EDC3: variants seen among roughly 807,000 people sequenced by gnomAD.
EDC3 encodes enhancer of mRNA decapping 3.
In EDC3, 20 loss-of-function variants were observed where a neutral mutation model predicts 41.8. The ratio of observed to expected loss-of-function variants is 0.48; its 90% CI spans 0.34 to 0.70. The LOEUF is 0.70. Ranked by LOEUF, EDC3 falls within the 30% of genes least tolerant of loss-of-function variation. The pLI, the probability that EDC3 is intolerant of heterozygous loss-of-function variation, is 0.01. For missense variants in EDC3, 444 were observed against 636.8 expected, an observed-to-expected ratio of 0.70 and a Z score of 3.26; for synonymous variants, 206 against 243.2, an observed-to-expected ratio of 0.85 and a Z score of 1.42.
intron 4 of EDC3, among the ~76,000 whole-genome samples, chr15:74,651,118 C>T (rs1056117683): frequency 1.3e-5 from 2 of 152,234 alleles, no homozygotes; most frequent in African/African-American, 4.8e-5. Context: ...GTTCTCACCA[C>T]TGAACACAGA....
At position 74,671,737 on chromosome 15, in the gene EDC3, G is replaced by GT. The variant is rs1567174131; in HGVS notation, c.201dup (p.Pro68ThrfsTer52). 2 of 1,614,060 alleles carry GT rather than the reference G, an allele frequency of 1.2e-6. No homozygotes were observed. The highest frequency in any genetic ancestry group is 1.1e-5 in the South Asian group (1 of 91,082). On this transcript the variant is annotated frameshift_variant, in exon 3 of 7. Transcript: ENST00000315127. LOFTEE classifies it high-confidence loss of function. The surrounding 1 kb of genome is among the most constrained non-coding windows in gnomAD (Gnocchi z 4.6). ...AAATGTTGGTTGTCTCCAGGTCCTG[G>GT]TATCTCCAGAATTTTTAACTCCGTA...
intron 5 of EDC3, chr15:74,640,207 T>A: frequency 2.4e-6 from 1 of 414,004 alleles, no homozygotes; most frequent in Non-Finnish European, 4.3e-6. Context: ...TTAGCAGGAG[T>A]CTCAGGCCCG....
chr15:74,657,755 C>A (rs2062567837), intron 3 of EDC3, among the ~76,000 whole-genome samples: 2 of 152,348 alleles, frequency 1.3e-5, no homozygotes, highest in Non-Finnish European at 2.9e-5. Flanking sequence ...AGCAGGGAAT[C>A]CCTGGTTTGC....
intron 1 of EDC3, among the ~76,000 whole-genome samples, chr15:74,686,580 G>A (rs568049526): frequency 6.6e-6 from 1 of 151,880 alleles, no homozygotes; most frequent in Admixed American, 6.6e-5. Flanking sequence ...AGGAGTTTGA[G>A]ACCAGCCTGG....
At chr15:74,652,540 T>C (rs539822789) in intron 4 of EDC3, among the ~76,000 whole-genome samples, 1 of 151,636 alleles carries the variant, frequency 6.6e-6, no homozygotes, top group East Asian at 2.0e-4. Flanking sequence ...TTCCTCATTT[T>C]TATTCACATT....
chr15:74,672,198 G>A (rs1171103386), intron 2 of EDC3, among the ~76,000 whole-genome samples: 2 of 150,506 alleles, frequency 1.3e-5, no homozygotes, highest in African/African-American at 4.9e-5. Flanking sequence ...GAACCCGGGA[G>A]GCGGAGCTTG....
chr15:74,660,229 C>G (rs2062605108), intron 3 of EDC3, among the ~76,000 whole-genome samples: 1 of 151,334 alleles, frequency 6.6e-6, no homozygotes, highest in Admixed American at 6.6e-5. Flanking sequence ...CATGGCAAAA[C>G]CCCGTCTCTA....
At chr15:74,689,295 C>T (rs2062974570) in intron 1 of EDC3, among the ~76,000 whole-genome samples, 1 of 152,136 alleles carries the variant, frequency 6.6e-6, no homozygotes, top group African/African-American at 2.4e-5. Context: ...AAACTTGGTA[C>T]TATTGTTCTC....
intron 4 of EDC3, among the ~76,000 whole-genome samples, chr15:74,654,876 T>A (rs531406013): frequency 7.9e-5 from 12 of 152,242 alleles, no homozygotes; most frequent in Non-Finnish European, 1.5e-4. Flanking sequence ...ATTCAAGATT[T>A]ATATTCCTTA....
chr15:74,669,607 A>C (rs2062716875), intron 3 of EDC3, among the ~76,000 whole-genome samples: 1 of 152,136 alleles, frequency 6.6e-6, no homozygotes, highest in African/African-American at 2.4e-5. Flanking sequence ...CAGGTGTCAC[A>C]CCACAAGCTA....
chr15:74,648,167 G>C (rs2062438757), intron 4 of EDC3, among the ~76,000 whole-genome samples: 2 of 152,254 alleles, frequency 1.3e-5, no homozygotes, highest in Non-Finnish European at 2.9e-5. Context: ...AAATTCTTCA[G>C]TGGCACTTCT....
chr15:74,646,638 T>C (rs2062422611), intron 4 of EDC3, among the ~76,000 whole-genome samples: 1 of 152,162 alleles, frequency 6.6e-6, no homozygotes, highest in Non-Finnish European at 1.5e-5. Context: ...ATGTGACATG[T>C]GCAGATGAAT....
chr15:74,668,660 T>C (rs2062704594), intron 3 of EDC3, among the ~76,000 whole-genome samples: 1 of 151,082 alleles, frequency 6.6e-6, no homozygotes, highest in Admixed American at 6.6e-5. Context: ...TTCAAGGCTG[T>C]AGTGAGCTGT....
intron 5 of EDC3, 24 bp from the exon 6 acceptor site, chr15:74,635,650 G>C: frequency 6.2e-7 from 1 of 1,604,810 alleles, no homozygotes; most frequent in Non-Finnish European, 8.5e-7. Context: ...TGAAGAAGCA[G>C]TATCAGCTAC....
chr15:74,632,478 G>A lies in EDC3; in HGVS notation c.*134C>T. On this transcript the variant is annotated 3_prime_UTR_variant, in exon 7 of 7. Coordinates refer to ENST00000315127, the MANE Select transcript of EDC3 (RefSeq NM_025083.5). The surrounding 1 kb of genome is among the most constrained non-coding windows in gnomAD (Gnocchi z 4.0). ...CAAGTGACAGGTCAGTTTTAAGTAA[G>A]TTCTGTTCTCTCACAGAAGAAACAA... 9.2e-7 allele frequency: 1 copy of A among 1,084,044 alleles called. No homozygotes were observed. The highest frequency in any genetic ancestry group is 1.3e-6 in the Non-Finnish European group (1 of 765,918). The allele number at this position is 1,084,044 out of a possible 1,614,324, so 67.2% of individuals were successfully genotyped here.
chr15:74,646,867 G>T (rs1249470962), intron 4 of EDC3, among the ~76,000 whole-genome samples: 2 of 152,072 alleles, frequency 1.3e-5, no homozygotes, highest in Non-Finnish European at 2.9e-5. Flanking sequence ...AATTTCAAAT[G>T]AAATTTTGAA....
chr15:74,695,415 G>A (rs1311947766), intron 1 of EDC3: 1 of 152,198 alleles, frequency 6.6e-6, no homozygotes, highest in Non-Finnish European at 1.5e-5. Flanking sequence ...GGGATTCGAA[G>A]ATGTGACCTG....
intron 1 of EDC3, among the ~76,000 whole-genome samples, chr15:74,683,393 G>A (rs538422826): frequency 1.3e-5 from 2 of 152,274 alleles, no homozygotes; most frequent in East Asian, 1.9e-4. Flanking sequence ...AAATTAGCCC[G>A]GCGTGGTGGC....
intron 3 of EDC3, among the ~76,000 whole-genome samples, chr15:74,670,022 T>C (rs2062721870): frequency 1.0e-5 from 1 of 99,692 alleles, no homozygotes. Flanking sequence ...TTTTTTTTTT[T>C]TTTTTTTTTT....
Sources: gnomAD v4.1 joint callset for allele counts (sites outside exome capture counted in the v4.1 genomes callset) on GRCh38, gnomAD v4.1.1 for gene constraint, Gnocchi (gnomAD v3.1) non-coding constraint, MANE v1.5 for transcripts, NCBI Gene and HGNC (gene_info 2026-07-23, HGNC 2026-07-21) for gene names.